SLIT3: variants seen among roughly 807,000 people sequenced by gnomAD.
SLIT3 encodes the protein slit guidance ligand 3, also known as slit homolog 3 protein.
A neutral mutation model predicts 184.0 loss-of-function variants in SLIT3; 68 were observed. That is an observed-to-expected ratio of 0.37 (90% CI 0.30 to 0.45). SLIT3 has a LOEUF of 0.45. Ranked by LOEUF, SLIT3 falls within the 20% of genes least tolerant of loss-of-function variation. SLIT3 has a pLI of 1.00. For synonymous variants in SLIT3, 831 were observed against 828.6 expected, an observed-to-expected ratio of 1.00 and a Z score of -0.05; for missense variants, 1,707 against 2,026.0, an observed-to-expected ratio of 0.84 and a Z score of 3.02.
At chr5:169,036,672 G>A (rs552017532) in intron 4 of SLIT3, among the ~76,000 whole-genome samples, 4 of 151,718 alleles carry the variant, frequency 2.6e-5, no homozygotes, top group East Asian at 1.9e-4. Flanking sequence ...TTTTTTTGGC[G>A]GCGTCTGTGC....
chr5:168,908,243 T>C (rs1237508242), intron 4 of SLIT3, among the ~76,000 whole-genome samples: 1 of 152,130 alleles, frequency 6.6e-6, no homozygotes, highest in African/African-American at 2.4e-5. Flanking sequence ...ATTATATTCC[T>C]TGCAAACATT....
intron 4 of SLIT3, among the ~76,000 whole-genome samples, chr5:169,169,335 G>C (rs1291762650): frequency 1.3e-5 from 2 of 152,116 alleles, no homozygotes; most frequent in Non-Finnish European, 2.9e-5. Context: ...TAATCTCTTT[G>C]CCATGCCTCA....
intron 3 of SLIT3, among the ~76,000 whole-genome samples, chr5:169,225,957 A>G (rs1764792626): frequency 6.6e-6 from 1 of 152,218 alleles, no homozygotes; most frequent in African/African-American, 2.4e-5. Context: ...GGAAGCAGAC[A>G]GGGAAGAGAG....
chr5:169,075,984 C>T (rs775234239), intron 4 of SLIT3, among the ~76,000 whole-genome samples: 1 of 152,196 alleles, frequency 6.6e-6, no homozygotes, highest in Non-Finnish European at 1.5e-5. Context: ...GCTCAATTCC[C>T]AGTCTCTTTG....
Position 168,679,376 on chromosome 5 carries a change from T to C in SLIT3, c.3686+4590A>G, listed in dbSNP as rs569338293. 2.1e-4 allele frequency among the ~76,000 whole-genome samples: 32 copies of C among 152,270 alleles called. No homozygotes were observed. In the Middle Eastern group the frequency reaches 0.017, roughly 81 times the overall value. ...CCTGGCTTTCTTTTGCTTTTAATAA[T>C]AATGGTGGATACGTGTTAATCCCTT... On this transcript the variant is annotated intron_variant, in intron 32 of 35. Coordinates refer to ENST00000519560, the MANE Select transcript of SLIT3 (RefSeq NM_003062.4).
intron 4 of SLIT3, among the ~76,000 whole-genome samples, chr5:169,074,832 G>T (rs752354212): frequency 6.6e-6 from 1 of 152,142 alleles, no homozygotes; most frequent in Non-Finnish European, 1.5e-5. Context: ...AAGACCTGAG[G>T]GTGGGACAAG....
chr5:168,980,289 T>C (rs1479428732), intron 4 of SLIT3, among the ~76,000 whole-genome samples: 3 of 152,238 alleles, frequency 2.0e-5, no homozygotes, highest in Non-Finnish European at 4.4e-5. Context: ...TAAAAGTTGA[T>C]GGAGAAGGCA....
chr5:168,926,343 G>A (rs1581217265), intron 4 of SLIT3, among the ~76,000 whole-genome samples: 1 of 152,232 alleles, frequency 6.6e-6, no homozygotes, highest in African/African-American at 2.4e-5. Flanking sequence ...ATGAGGTCCT[G>A]AGAAGGGGCT....
At chr5:169,208,947 T>C (rs1008550924) in intron 3 of SLIT3, among the ~76,000 whole-genome samples, 24 of 152,126 alleles carry the variant, frequency 1.6e-4, no homozygotes, top group African/African-American at 5.8e-4. Context: ...AAGCCAAAAT[T>C]GACAAATGGG....
At chr5:169,137,282 C>T (rs1761541342) in intron 4 of SLIT3, among the ~76,000 whole-genome samples, 1 of 150,774 alleles carries the variant, frequency 6.6e-6, no homozygotes, top group South Asian at 2.1e-4. Context: ...AATTAATCTC[C>T]CCCTCTTCTC....
chr5:169,140,611 C>T (rs527349183), intron 4 of SLIT3, among the ~76,000 whole-genome samples: 1 of 151,894 alleles, frequency 6.6e-6, no homozygotes, highest in East Asian at 1.9e-4. Context: ...TGAGACCAGC[C>T]TGGACTACAT....
chr5:168,853,269 T>A (rs1758738589), intron 5 of SLIT3, among the ~76,000 whole-genome samples: 1 of 152,136 alleles, frequency 6.6e-6, no homozygotes, highest in African/African-American at 2.4e-5. Context: ...GCTCCCTTAC[T>A]GAAAGAAGGA....
Position 168,724,463 on chromosome 5 carries a change from T to C in SLIT3, c.2292A>G (p.Leu764=). The C allele has an allele frequency of 1.2e-6, 2 of 1,613,266 alleles. No individual in the cohort carries two copies. Among genetic ancestry groups the C allele is most frequent in the African/African-American group, 2.7e-5 (2 of 75,038 alleles). The part of the protein sequence containing the change: ...VTELYLEGNH[L]TAVPRELSAL... ...CGGACAGCTCTCTGGGCACGGCTGT[T>C]AGGTGGTTTCCTTCCAGGTACCTGA... The change falls in exon 21 of 36, where the codon CTA becomes CTG. Residue 764 remains leucine (L), a synonymous_variant. Transcript: ENST00000519560.
chr5:168,773,240 G>A (rs1256298353), intron 13 of SLIT3, among the ~76,000 whole-genome samples: 6 of 151,992 alleles, frequency 3.9e-5, no homozygotes, highest in African/African-American at 9.7e-5. Flanking sequence ...TCTCACCCAC[G>A]CCAATTCTGA....
intron 28 of SLIT3, among the ~76,000 whole-genome samples, chr5:168,695,459 A>G (rs1282090848): frequency 6.6e-6 from 1 of 152,150 alleles, no homozygotes; most frequent in African/African-American, 2.4e-5. Flanking sequence ...CACCAAGAAG[A>G]AGGTTATTAT....
intron 8 of SLIT3, among the ~76,000 whole-genome samples, chr5:168,812,299 G>A (rs1320452703): frequency 3.3e-5 from 5 of 152,296 alleles, no homozygotes; most frequent in East Asian, 1.9e-4. Context: ...CCAGTAGGGT[G>A]ACTACAGTTA....
intron 4 of SLIT3, among the ~76,000 whole-genome samples, chr5:169,178,430 G>T (rs1763047307): frequency 6.6e-6 from 1 of 152,148 alleles, no homozygotes; most frequent in Non-Finnish European, 1.5e-5. Flanking sequence ...TATGAAGGTG[G>T]CTCCTTACAC....
At chr5:169,006,616 C>G (rs1469950806) in intron 4 of SLIT3, among the ~76,000 whole-genome samples, 4 of 149,870 alleles carry the variant, frequency 2.7e-5, no homozygotes. Flanking sequence ...CACACACACA[C>G]ACACACACAC....
intron 4 of SLIT3, among the ~76,000 whole-genome samples, chr5:169,113,122 TAC>T (rs1760471807): frequency 6.6e-6 from 1 of 152,170 alleles, no homozygotes; most frequent in Non-Finnish European, 1.5e-5. Flanking sequence ...TGGCGTTAAG[TAC>T]ATTCGCCTTG....
Sources: allele counts gnomAD v4.1 joint callset (sites outside exome capture counted in the v4.1 genomes callset), GRCh38; gene constraint gnomAD v4.1.1; transcripts MANE v1.5; gene names NCBI Gene and HGNC (gene_info 2026-07-23, HGNC 2026-07-21).